The following GOLGB1 variants were observed in gnomAD, a reference collection of about 807,000 sequenced individuals.
GOLGB1 encodes the protein golgin subfamily B member 1.
Under a neutral mutation model 336.9 loss-of-function variants are expected in GOLGB1, and 174 were observed. The observed-to-expected ratio is 0.52, with a 90% CI of 0.46 to 0.59. The LOEUF (loss-of-function observed/expected upper bound fraction) is 0.59, where lower values mean the gene tolerates loss of function less well. GOLGB1 is among the 20% of genes least tolerant of loss of function. The pLI is 0.00. For missense variants in GOLGB1, 3,331 were observed against 3,645.3 expected, an observed-to-expected ratio of 0.91 and a Z score of 2.22; for synonymous variants, 1,208 against 1,289.2, an observed-to-expected ratio of 0.94 and a Z score of 1.35.
At chr3:121,667,450 CAG>C in intron 20 of GOLGB1, 24 bp downstream of exon 20, 1 of 1,607,862 alleles carries the variant, frequency 6.2e-7, no homozygotes, top group Non-Finnish European at 8.5e-7. Context: ...CGGAAGGGAA[CAG>C]AGGCTATCTC....
In GOLGB1 at chr3:121,696,959, G is replaced by A; in HGVS notation, c.3564C>T (p.Ala1188=). The change falls in exon 13 of 22, where the codon GCC becomes GCT. Residue 1188 remains alanine, a synonymous_variant. Coordinates refer to ENST00000614479, the MANE Select transcript of GOLGB1 (RefSeq NM_001366282.2). ...KEQLQKKLQE[A]LTSRKAILKK... is the part of the protein sequence containing the mutation. ...TAAGAATTGCCTTGCGGGAGGTTAAGGCTTCCTGTAGCTTCTTTTGAAGTT... is the reference window on the plus strand; with the variant it reads ...TAAGAATTGCCTTGCGGGAGGTTAAAGCTTCCTGTAGCTTCTTTTGAAGTT... 1 of 1,614,042 alleles carries A rather than the reference G, an allele frequency of 6.2e-7. No individual in the cohort carries two copies. Among genetic ancestry groups the A allele is most frequent in the Non-Finnish European group, 8.5e-7 (1 of 1,179,988 alleles).
chr3:121,668,266 A>C, intron 18 of GOLGB1, 108 bp from the exon 19 acceptor site: 3 of 598,960 alleles, frequency 5.0e-6, no homozygotes, highest in East Asian at 3.1e-5. Context: ...TATAATTCTC[A>C]AGTCCAAATT....
chr3:121,697,362 T>C lies in GOLGB1; in HGVS notation c.3161A>G (p.Lys1054Arg). The stretch of plus-strand genomic sequence containing the variant: ...TTCTTGGCACTTAGAAGTCACACAT[T>C]TTTCTGAGTATTCTTTGTTTTCTTT... ...EDKENKEYSE[K>R]CVTSKCQEIE... The change falls in exon 13 of 22, where the codon AAA becomes AGA. Residue 1054 changes from lysine to arginine, a missense_variant. Transcript: ENST00000614479. 1 of 1,613,744 alleles carries C rather than the reference T, an allele frequency of 6.2e-7. No individual in the cohort carries two copies. The highest frequency in any genetic ancestry group is 8.5e-7 in the Non-Finnish European group (1 of 1,179,840).
chr3:121,727,231 C>T (rs1945685657), intron 4 of GOLGB1, among the ~76,000 whole-genome samples, 190 bp from the exon 5 acceptor site: 1 of 139,122 alleles, frequency 7.2e-6, no homozygotes, highest in African/African-American at 2.7e-5. Flanking sequence ...CCAAGCAGTT[C>T]CTGTTAGACC....
chr3:121,677,049 T>G lies in GOLGB1; in HGVS notation c.9040-19A>C. On this transcript the variant is annotated intron_variant, in intron 16 of 21. Coordinates refer to ENST00000614479, the MANE Select transcript of GOLGB1 (RefSeq NM_001366282.2). ...GGGATGCCTGCCAGGACACAAACATTGATCAGATTCTCTCCTAAGATTGCG... is the reference window on the plus strand; with the variant it reads ...GGGATGCCTGCCAGGACACAAACATGGATCAGATTCTCTCCTAAGATTGCG... 1 of 1,613,754 alleles carries G rather than the reference T, an allele frequency of 6.2e-7. No homozygotes were observed. The highest frequency in any genetic ancestry group is 2.2e-5 in the East Asian group (1 of 44,864).
intron 9 of GOLGB1, 64 bp from the exon 10 acceptor site, chr3:121,715,040 C>T (rs1431189913): frequency 6.8e-6 from 6 of 879,258 alleles, no homozygotes; most frequent in Non-Finnish European, 1.1e-5. Context: ...TTATTATTAT[C>T]TTCTAAAGAT....
chr3:121,729,159 G>A, intron 4 of GOLGB1, 29 bp downstream of exon 4: 1 of 1,541,858 alleles, frequency 6.5e-7, no homozygotes, highest in Non-Finnish European at 8.8e-7. Flanking sequence ...TTCAACTTAG[G>A]AAATATACAC....
chr3:121,715,936 G>T (rs1458455723), intron 9 of GOLGB1, among the ~76,000 whole-genome samples: 1 of 151,056 alleles, frequency 6.6e-6, no homozygotes, highest in South Asian at 2.1e-4. Flanking sequence ...AGGTTGCAGT[G>T]AGCCGAGATC....
Position 121,699,923 on chromosome 3 carries a change from G to A in GOLGB1, c.1520-38C>T, listed in dbSNP as rs762918092. 6 of 1,172,832 alleles carry A rather than the reference G, an allele frequency of 5.1e-6. No homozygotes were observed. The African/African-American group carries it at 9.2e-5, about 18-fold the overall frequency. The allele number at this position is 1,172,832 out of a possible 1,614,324, so 72.7% of individuals were successfully genotyped here. A position where few individuals can be genotyped will look rare whatever the true frequency, so the allele number is the denominator to read the frequency against. On this transcript the variant is annotated intron_variant, in intron 11 of 21. Coordinates refer to ENST00000614479, the MANE Select transcript of GOLGB1 (RefSeq NM_001366282.2). ...AAATAAATATCTTTAGAAGATATATGTGGAGTGTGTGAAAAAACAGGATTG... is the reference window on the plus strand; with the variant it reads ...AAATAAATATCTTTAGAAGATATATATGGAGTGTGTGAAAAAACAGGATTG...
rs1269301726 is a variant in GOLGB1 at position 121,687,913 on chromosome 3, G to A, written c.8694+2757C>T. Among the ~76,000 whole-genome samples the A allele has an allele frequency of 2.6e-5, 4 of 152,130 alleles. No individual in the cohort carries two copies. The East Asian group carries it at 7.7e-4, about 29-fold the overall frequency. ...ACAGACAAAAGGCCAAGCTCCCAGG[G>A]CAAAGTCAGCTAAACTCAAATTATT... On this transcript the variant is annotated intron_variant, in intron 14 of 21. Coordinates refer to ENST00000614479, the MANE Select transcript of GOLGB1 (RefSeq NM_001366282.2).
At chr3:121,678,559 A>G (rs1469276240) in intron 15 of GOLGB1, among the ~76,000 whole-genome samples, 1 of 150,408 alleles carries the variant, frequency 6.6e-6, no homozygotes, top group East Asian at 2.0e-4. Context: ...TCAAATCTTG[A>G]AAGCTTTTTG....
At chr3:121,677,853 G>A (rs147081783) in intron 15 of GOLGB1, among the ~76,000 whole-genome samples, 7 of 152,270 alleles carry the variant, frequency 4.6e-5, no homozygotes, top group Non-Finnish European at 7.3e-5. Context: ...GGCATCAAGC[G>A]ATGCTCTGAT....
intron 12 of GOLGB1, 80 bp from the exon 13 acceptor site, chr3:121,699,009 T>A: frequency 9.2e-7 from 1 of 1,081,784 alleles, no homozygotes; most frequent in South Asian, 1.7e-5. Flanking sequence ...AAACTTGTAT[T>A]TCATCTTCTA....
At chr3:121,734,419 T>C (rs1279429035) in intron 1 of GOLGB1, among the ~76,000 whole-genome samples, 1 of 142,514 alleles carries the variant, frequency 7.0e-6, no homozygotes, top group East Asian at 2.0e-4. Context: ...AAACAAGTCA[T>C]AGATTAGGAG....
At chr3:121,676,663 T>C (rs950173094) in intron 17 of GOLGB1, among the ~76,000 whole-genome samples, 5 of 152,170 alleles carry the variant, frequency 3.3e-5, no homozygotes, top group Non-Finnish European at 5.9e-5. Flanking sequence ...TCTTTACTTT[T>C]ACTGTCTGGA....
At chr3:121,701,874 A>G (rs1943442505) in intron 11 of GOLGB1, among the ~76,000 whole-genome samples, 1 of 152,162 alleles carries the variant, frequency 6.6e-6, no homozygotes, top group Non-Finnish European at 1.5e-5. Context: ...ATTTTAATAC[A>G]ATGTTAAAAG....
At chr3:121,666,223 G>A (rs929300658) in intron 20 of GOLGB1, among the ~76,000 whole-genome samples, 2 of 152,180 alleles carry the variant, frequency 1.3e-5, no homozygotes, top group Non-Finnish European at 2.9e-5. Flanking sequence ...GCAGTACCTG[G>A]ACTAGGCAGG....
chr3:121,698,550 G>A lies in GOLGB1; in HGVS notation c.1973C>T (p.Ser658Phe), dbSNP rs1943143170. 1 of 1,613,724 alleles carries A rather than the reference G, an allele frequency of 6.2e-7. No individual in the cohort carries two copies. Among genetic ancestry groups the A allele is most frequent in the Admixed American group, 1.7e-5 (1 of 59,976 alleles). Residue 658 changes from serine to phenylalanine, a missense_variant, in exon 13 of 22, where the codon TCT (serine) becomes TTT (phenylalanine). By Grantham distance (155) the Ser-to-Phe change is radical. Coordinates refer to ENST00000614479, the MANE Select transcript of GOLGB1 (RefSeq NM_001366282.2). ...CAATTCTACTCCAGCATCATTTAAA[G>A]ATATTTCCTCAGATGTTCTACTTTG... ...EHQSRTSEEI[S>F]LNDAGVELKS...
chr3:121,697,081 C>G lies in GOLGB1; in HGVS notation c.3442G>C (p.Glu1148Gln), dbSNP rs1182888787. 1 of 1,614,044 alleles carries G rather than the reference C, an allele frequency of 6.2e-7. No individual in the cohort carries two copies. Among genetic ancestry groups the G allele is most frequent in the East Asian group, 2.2e-5 (1 of 44,870 alleles). ...CAAGGTGGACTTATCACCACTGTTTCCTTTACAAGTGCTACGGAGTCCCCA... is the reference window on the plus strand; with the variant it reads ...CAAGGTGGACTTATCACCACTGTTTGCTTTACAAGTGCTACGGAGTCCCCA... Reference protein sequence around the residue: ...SDGDSVALVKETVVISPPCTG... With the variant: ...SDGDSVALVKQTVVISPPCTG... The change falls in exon 13 of 22, where the codon GAA (glutamate) becomes CAA (glutamine). Residue 1148 changes from glutamate to glutamine, a missense_variant. By Grantham distance (29) the Glu-to-Gln change is conservative. Coordinates refer to ENST00000614479, the MANE Select transcript of GOLGB1 (RefSeq NM_001366282.2).
Sources: gnomAD v4.1 joint callset for allele counts (sites outside exome capture counted in the v4.1 genomes callset) on GRCh38, gnomAD v4.1.1 for gene constraint, MANE v1.5 for transcripts, NCBI Gene and HGNC (gene_info 2026-07-23, HGNC 2026-07-21) for gene names.